The following NRSN2 variants were observed in gnomAD, a reference collection of about 807,000 sequenced individuals.
NRSN2 encodes the protein neurensin 2.
A neutral mutation model predicts 11.1 loss-of-function variants in NRSN2; 10 were observed. That is an observed-to-expected ratio of 0.90 (90% CI 0.56 to 1.53). The LOEUF is 1.53. NRSN2 is among the 40% of genes most tolerant of loss of function. NRSN2 has a pLI of 0.00. For missense variants in NRSN2, 260 were observed against 273.7 expected, an observed-to-expected ratio of 0.95 and a Z score of 0.35; for synonymous variants, 100 against 117.0, an observed-to-expected ratio of 0.86 and a Z score of 0.94.
chr20:353,721 C>A lies in NRSN2; in HGVS notation c.*86C>A. On this transcript the variant is annotated 3_prime_UTR_variant, in exon 5 of 5. Coordinates refer to ENST00000382285, the MANE Select transcript of NRSN2 (RefSeq NM_001323682.2). ...CTCTCAGTGTTTCCCCAACTTCTCC[C>A]TTTTAGCAGGGTCCCTTTAGAGCCC... 7.1e-7 allele frequency: 1 copy of A among 1,403,098 alleles called. No individual in the cohort carries two copies. The highest frequency in any genetic ancestry group is 9.7e-7 in the Non-Finnish European group (1 of 1,027,332). The allele number at this position is 1,403,098 out of a possible 1,614,324, so 86.9% of individuals were successfully genotyped here.
chr20:348,254 A>AGCCCTCCTCTCCAGACCTCTC (rs1282396419), intron 2 of NRSN2: 4 of 150,630 alleles, frequency 2.7e-5, no homozygotes, highest in Admixed American at 6.6e-5. Context: ...TCCTCCGGCG[A>AGCCCTCCTCTCCAGACCTCTC]GCCCTCCTCT....
chr20:353,614 C>A lies in NRSN2; in HGVS notation c.594C>A (p.Ile198=), dbSNP rs1368005290. ...SPFGQSSVQT[I]QPKRDS ...TTGGGCAATCTTCTGTGCAGACTAT[C>A]CAGCCCAAGAGGGACTCCTGAGCTG... The change falls in exon 5 of 5, where the codon ATC becomes ATA. Residue 198 remains isoleucine (I), a synonymous_variant. Transcript: ENST00000382285. The A allele has an allele frequency of 6.2e-7, 1 of 1,614,162 alleles. No individual in the cohort carries two copies. The highest frequency in any genetic ancestry group is 1.1e-5 in the South Asian group (1 of 91,086).
chr20:352,231 G>A (rs993240161), intron 4 of NRSN2, among the ~76,000 whole-genome samples: 4 of 152,086 alleles, frequency 2.6e-5, no homozygotes, highest in Non-Finnish European at 5.9e-5. Context: ...AGTCGGCCAG[G>A]GTGCACCAAT....
rs2014201742 is a variant in NRSN2, at chr20:353,946, G to C, written c.*311G>C. 2 of 384,264 alleles carry C rather than the reference G, an allele frequency of 5.2e-6. No individual in the cohort carries two copies. The highest frequency in any genetic ancestry group is 9.4e-6 in the Non-Finnish European group (2 of 212,022). The allele number at this position is 384,264 out of a possible 1,614,324, so 23.8% of individuals were successfully genotyped here. Reference sequence around the variant, plus strand: ...TCTGCATGACCTTGGGCAAACCCTTGCCCTTTCAAGCCATCAGCTCCTGCC... The same window carrying C: ...TCTGCATGACCTTGGGCAAACCCTTCCCCTTTCAAGCCATCAGCTCCTGCC... On this transcript the variant is annotated 3_prime_UTR_variant, in exon 5 of 5. Coordinates refer to ENST00000382285, the MANE Select transcript of NRSN2 (RefSeq NM_001323682.2).
chr20:353,611 T>C lies in NRSN2; in HGVS notation c.591T>C (p.Thr197=), dbSNP rs2014172786. 1.2e-6 allele frequency: 2 copies of C among 1,614,076 alleles called. No individual in the cohort carries two copies. The highest frequency in any genetic ancestry group is 2.7e-5 in the African/African-American group (2 of 74,940). The part of the protein sequence containing the change: ...ASPFGQSSVQ[T]IQPKRDS Reference sequence around the variant, plus strand: ...CCTTTGGGCAATCTTCTGTGCAGACTATCCAGCCCAAGAGGGACTCCTGAG... The same window carrying C: ...CCTTTGGGCAATCTTCTGTGCAGACCATCCAGCCCAAGAGGGACTCCTGAG... Residue 197 remains threonine, a synonymous_variant, in exon 5 of 5, where the codon ACT becomes ACC. Coordinates refer to ENST00000382285, the MANE Select transcript of NRSN2 (RefSeq NM_001323682.2).
Position 353,841 on chromosome 20 carries a change from C to T in NRSN2, c.*206C>T, listed in dbSNP as rs2014192850. The stretch of plus-strand genomic sequence containing the variant: ...AGATACCAGCATTCCTCAAGTCCTC[C>T]CAAAACTTCCTACCCACACCCTCTT... On this transcript the variant is annotated 3_prime_UTR_variant, in exon 5 of 5. Coordinates refer to ENST00000382285, the MANE Select transcript of NRSN2 (RefSeq NM_001323682.2). 1.0e-5 allele frequency: 6 copies of T among 579,318 alleles called. No individual in the cohort carries two copies. Among genetic ancestry groups the T allele is most frequent in the Non-Finnish European group, 1.8e-5 (6 of 332,552 alleles). The allele number at this position is 579,318 out of a possible 1,614,324, so 35.9% of individuals were successfully genotyped here. A position where few individuals can be genotyped will look rare whatever the true frequency, so the allele number is the denominator to read the frequency against.
At chr20:351,918 C>T in intron 4 of NRSN2, among the ~76,000 whole-genome samples, 1 of 152,210 alleles carries the variant, frequency 6.6e-6, no homozygotes, top group Non-Finnish European at 1.5e-5. Context: ...CTTCAATACA[C>T]TTACCACTTT....
In NRSN2 at chr20:353,373, C is replaced by G. The variant is rs756144120; in HGVS notation, c.353C>G (p.Ala118Gly). The stretch of plus-strand genomic sequence containing the variant: ...CAGGCCCTGGGCACCTGTCGCCTGG[C>G]AGGCACAGCGCTCTGTGTGGCAGCT... ...YNQALGTCRL[A>G]GTALCVAAGV... The change falls in exon 5 of 5, where the codon GCA becomes GGA. Residue 118 changes from alanine to glycine, a missense_variant. By Grantham distance (60) the Ala-to-Gly change is moderately conservative (BLOSUM62 0). Coordinates refer to ENST00000382285, the MANE Select transcript of NRSN2 (RefSeq NM_001323682.2). 2 of 1,613,990 alleles carry G rather than the reference C, an allele frequency of 1.2e-6. No individual in the cohort carries two copies. Among genetic ancestry groups the G allele is most frequent in the Admixed American group, 1.7e-5 (1 of 60,018 alleles).
At position 349,628 on chromosome 20, in the gene NRSN2, T is replaced by C; in HGVS notation, c.-6-10T>C. The C allele has an allele frequency of 6.2e-7, 1 of 1,601,082 alleles. No homozygotes were observed. Among genetic ancestry groups the C allele is most frequent in the Non-Finnish European group, 8.5e-7 (1 of 1,172,902 alleles). ...CTCCCTCCGTCAGCTGCACCTTACC[T>C]GCTCCCCAGGGGTCCATGATGCCGA... On this transcript the variant is annotated splice_polypyrimidine_tract_variant and intron_variant, in intron 3 of 4. Coordinates refer to ENST00000382285, the MANE Select transcript of NRSN2 (RefSeq NM_001323682.2).
chr20:351,206 A>T (rs1391873622), intron 4 of NRSN2, among the ~76,000 whole-genome samples: 1 of 151,980 alleles, frequency 6.6e-6, no homozygotes, highest in Non-Finnish European at 1.5e-5. Context: ...TCCAGCCTGC[A>T]CAACAAGAGT....
In NRSN2 at chr20:347,791, G is replaced by T. The variant is rs2013544318; in HGVS notation, c.-122+279G>T. Among the ~76,000 whole-genome samples, 1 of 151,758 alleles carries T rather than the reference G, an allele frequency of 6.6e-6. No individual in the cohort carries two copies. Among genetic ancestry groups the T allele is most frequent in the South Asian group, 2.1e-4 (1 of 4,798 alleles). Reference sequence around the variant, plus strand: ...CACGTCGGACAGCGCAGCCCCCTCCGCCTCCCGCTCCCCTCCCACCGAGCT... The same window carrying T: ...CACGTCGGACAGCGCAGCCCCCTCCTCCTCCCGCTCCCCTCCCACCGAGCT... On this transcript the variant is annotated intron_variant, in intron 2 of 4. Coordinates refer to ENST00000382285, the MANE Select transcript of NRSN2 (RefSeq NM_001323682.2). The surrounding 1 kb of genome is among the most constrained non-coding windows in gnomAD (Gnocchi z 7.0).
In NRSN2 at chr20:349,953, G is replaced by A. The variant is rs141952621; in HGVS notation, c.189+121G>A. The A allele has an allele frequency of 7.3e-5, 64 of 875,468 alleles. No individual in the cohort carries two copies. The African/African-American group carries it at 1.0e-3, about 14-fold the overall frequency. The allele number at this position is 875,468 out of a possible 1,614,324, so 54.2% of individuals were successfully genotyped here. ...GTAGTTAGGAGTCTTGCACAGTCAA[G>A]CAACAGAAAACCCAATTCAAATGGG... On this transcript the variant is annotated intron_variant, in intron 4 of 4. Coordinates refer to ENST00000382285, the MANE Select transcript of NRSN2 (RefSeq NM_001323682.2).
In NRSN2 at chr20:354,009, C is replaced by T. The variant is rs983530361; in HGVS notation, c.*374C>T. 3 of 264,396 alleles carry T rather than the reference C, an allele frequency of 1.1e-5. No individual in the cohort carries two copies. Among genetic ancestry groups the T allele is most frequent in the East Asian group, 1.1e-4 (1 of 9,154 alleles). 16.4% of individuals were successfully genotyped at this position (264,396 alleles called of 1,614,324 possible). A position where few individuals can be genotyped will look rare whatever the true frequency, so the allele number is the denominator to read the frequency against. ...GGGCTTTGGATCAGATTCCTCTTCT[C>T]GCCAGGATGAGGACACGCACTGCCC... On this transcript the variant is annotated 3_prime_UTR_variant, in exon 5 of 5. Transcript: ENST00000382285.
At chr20:351,423 A>T (rs2013963135) in intron 4 of NRSN2, among the ~76,000 whole-genome samples, 1 of 151,958 alleles carries the variant, frequency 6.6e-6, no homozygotes, top group Non-Finnish European at 1.5e-5. Flanking sequence ...GATGCCTACT[A>T]CTCAAGAGGC....
Position 349,896 on chromosome 20 carries a change from G to A in NRSN2, c.189+64G>A, listed in dbSNP as rs1600222814. On this transcript the variant is annotated intron_variant, in intron 4 of 4. Transcript: ENST00000382285. ...TGATGGAGGAAATGAGTCTGAATTT[G>A]AGGCTCAGAGGAAAAAAGAAGAGAT... The A allele has an allele frequency of 8.8e-6, 13 of 1,481,290 alleles. No individual in the cohort carries two copies. In the East Asian group the frequency reaches 3.0e-4, roughly 34 times the overall value. The allele number at this position is 1,481,290 out of a possible 1,614,324, so 91.8% of individuals were successfully genotyped here. A position where few individuals can be genotyped will look rare whatever the true frequency, so the allele number is the denominator to read the frequency against.
At chr20:348,484 CGTGT>C (rs57559955) in intron 2 of NRSN2, 6,787 of 81,160 alleles carry the variant, frequency 0.084, 240 homozygotes, top group Middle Eastern at 0.16. Flanking sequence ...AACCTCCAAC[CGTGT>C]GTGTGTGTGT....
rs2014206396 is a variant in NRSN2, at chr20:354,001, C to G, written c.*366C>G. The stretch of plus-strand genomic sequence containing the variant: ...TGCCATGAGGGCTTTGGATCAGATT[C>G]CTCTTCTCGCCAGGATGAGGACACG... On this transcript the variant is annotated 3_prime_UTR_variant, in exon 5 of 5. Transcript: ENST00000382285. 1 of 276,012 alleles carries G rather than the reference C, an allele frequency of 3.6e-6. No homozygotes were observed. The highest frequency in any genetic ancestry group is 2.3e-5 in the African/African-American group (1 of 44,158). 17.1% of individuals were successfully genotyped at this position (276,012 alleles called of 1,614,324 possible).
chr20:349,764 C>G lies in NRSN2; in HGVS notation c.121C>G (p.Leu41Val), dbSNP rs11556643. The G allele has an allele frequency of 0.072, 116,600 of 1,613,216 alleles. 6,217 individuals are homozygous for G. Among genetic ancestry groups the G allele is most frequent in the African/African-American group, 0.28 (20,860 of 74,922 alleles). ...LFYEDCAGTALSDDPEGPPVL... is the reference protein window; with the variant it reads ...LFYEDCAGTAVSDDPEGPPVL... The stretch of plus-strand genomic sequence containing the variant: ...CTATGAGGACTGTGCAGGCACTGCT[C>G]TCAGCGACGACCCTGAGGGACCTCC... Residue 41 changes from leucine to valine, a missense_variant, in exon 4 of 5, where the codon CTC becomes GTC. Physicochemically the swap from Leu to Val is conservative, Grantham distance 32. Transcript: ENST00000382285.
chr20:348,391 T>C (rs1307803775), intron 2 of NRSN2: 1 of 152,084 alleles, frequency 6.6e-6, no homozygotes, highest in East Asian at 1.9e-4. Context: ...TTTCCCTGAA[T>C]TGTAAGTGAG....
Sources: allele counts gnomAD v4.1 joint callset (sites outside exome capture counted in the v4.1 genomes callset), GRCh38; gene constraint gnomAD v4.1.1; non-coding constraint Gnocchi (gnomAD v3.1); transcripts MANE v1.5; gene names NCBI Gene and HGNC (gene_info 2026-07-23, HGNC 2026-07-21).